ZNF45: variants seen among roughly 807,000 people sequenced by gnomAD.
ZNF45 encodes the protein BRC1744.
ZNF45 carries 4 observed loss-of-function variants against 12.0 expected under a neutral mutation model. The observed-to-expected ratio is 0.33, with a 90% CI of 0.16 to 0.76. The LOEUF (loss-of-function observed/expected upper bound fraction) is 0.76, where lower values mean the gene tolerates loss of function less well. Among genes scored for constraint, ZNF45 ranks in the 30% least tolerant of loss-of-function variants. ZNF45 has a pLI of 0.60. For missense variants in ZNF45, 700 were observed against 813.0 expected (o/e 0.86, Z 1.69); for synonymous variants, 272 against 279.6 (o/e 0.97, Z 0.27).
intron 7 of ZNF45, among the ~76,000 whole-genome samples, chr19:43,920,884 G>A (rs1483563820): frequency 2.6e-5 from 4 of 152,142 alleles, no homozygotes; most frequent in African/African-American, 9.7e-5. Flanking sequence ...TTACAGGTGT[G>A]AGCCACTGTG....
Position 43,914,327 on chromosome 19 carries a change from C to A in ZNF45, c.1109G>T (p.Ser370Ile), listed in dbSNP as rs1311085671. The change falls in exon 10 of 10, where the codon AGT becomes ATT. Residue 370 changes from serine to isoleucine, a missense_variant. Transcript: ENST00000269973. The part of the protein sequence containing the change: ...YKCEECGKGF[S>I]VGSHLQAHQI... ...ATGGGCCTGAAGGTGTGAACCCACA[C>A]TGAAACCTTTCCCACACTCCTCACA... is the stretch of plus-strand genomic sequence containing the variant. 4 of 1,613,112 alleles carry A rather than the reference C, an allele frequency of 2.5e-6. No individual in the cohort carries two copies. Among genetic ancestry groups the A allele is most frequent in the South Asian group, 2.2e-5 (2 of 90,974 alleles).
Position 43,916,785 on chromosome 19 carries a change from G to A in ZNF45, c.236-1585C>T, listed in dbSNP as rs868668619. On this transcript the variant is annotated intron_variant, in intron 9 of 9. Coordinates refer to ENST00000269973, the MANE Select transcript of ZNF45 (RefSeq NM_003425.4). ...TAATGGGAAAGGGACTGGAAAGAGC[G>A]ATTCTTCTGGGAAGTTTAAAGGTTT... 1.2e-4 allele frequency among the ~76,000 whole-genome samples: 19 copies of A among 152,222 alleles called. No homozygotes were observed. The Middle Eastern group carries it at 0.01, about 82-fold the overall frequency.
intron 9 of ZNF45, among the ~76,000 whole-genome samples, chr19:43,917,350 TA>T (rs1193259521): frequency 1.3e-5 from 2 of 152,252 alleles, no homozygotes; most frequent in Non-Finnish European, 2.9e-5. Context: ...ATTAATTTCT[TA>T]ATCAAACAAA....
Position 43,915,056 on chromosome 19 carries a change from C to G in ZNF45, c.380G>C (p.Arg127Thr), listed in dbSNP as rs1374530671. Residue 127 changes from arginine (R) to threonine (T), a missense_variant, in exon 10 of 10, where the codon AGA becomes ACA. By Grantham distance (71) the Arg-to-Thr change is moderately conservative (BLOSUM62 -1). Transcript: ENST00000269973. ...KYQDSVVNIQ[R>T]TGCQLEKRDD... is the part of the protein sequence containing the mutation. Reference sequence around the variant, plus strand: ...TCGTTTTTCCAACTGGCAGCCTGTTCTTTGAATATTTACCACAGAATCTTG... The same window carrying G: ...TCGTTTTTCCAACTGGCAGCCTGTTGTTTGAATATTTACCACAGAATCTTG... 6.2e-7 allele frequency: 1 copy of G among 1,611,620 alleles called. No individual in the cohort carries two copies. Among genetic ancestry groups the G allele is most frequent in the East Asian group, 2.2e-5 (1 of 44,876 alleles).
chr19:43,913,585 A>G lies in ZNF45; in HGVS notation c.1851T>C (p.Cys617=), dbSNP rs138087772. 283 of 1,613,862 alleles carry G rather than the reference A, an allele frequency of 1.8e-4. No individual in the cohort carries two copies. Among genetic ancestry groups the G allele is most frequent in the Non-Finnish European group, 2.3e-4 (269 of 1,179,972 alleles). The change falls in exon 10 of 10, where the codon TGT becomes TGC. Residue 617 remains cysteine, a synonymous_variant. Transcript: ENST00000269973. ...TGERPYKCEE[C]GKVFSWSSYL... is the part of the protein sequence containing the mutation. The stretch of plus-strand genomic sequence containing the variant: ...ATGAGCTCCAGCTGAAGACTTTCCC[A>G]CATTCCTCACATTTGTATGGTCTCT...
rs113258371 is a variant in ZNF45, at chr19:43,922,215, A to G, written c.-30T>C. 2.9e-5 allele frequency: 47 copies of G among 1,599,592 alleles called. 1 individual carries two copies. The highest frequency in any genetic ancestry group is 2.5e-4 in the African/African-American group (19 of 74,712). On this transcript the variant is annotated splice_region_variant and 5_prime_UTR_variant, in exon 7 of 10. Transcript: ENST00000269973. ...TCCTCCTCCTTCTGGAGAAGTGCCA[A>G]GTCTTAAGAGGGAAGGAGAAAACAT...
At chr19:43,915,700 G>A (rs1293844597) in intron 9 of ZNF45, among the ~76,000 whole-genome samples, 3 of 152,152 alleles carry the variant, frequency 2.0e-5, no homozygotes, top group Admixed American at 2.0e-4. Flanking sequence ...GAGGGATCTA[G>A]GTTGCGTGAG....
At chr19:43,917,995 G>A (rs950496972) in intron 9 of ZNF45, among the ~76,000 whole-genome samples, 3 of 152,064 alleles carry the variant, frequency 2.0e-5, no homozygotes, top group Admixed American at 2.0e-4. Flanking sequence ...TATTTGCTTA[G>A]TGGCTAATTT....
chr19:43,923,836 T>C (rs1430569746), intron 6 of ZNF45, among the ~76,000 whole-genome samples: 4 of 152,014 alleles, frequency 2.6e-5, no homozygotes, highest in African/African-American at 7.2e-5. Context: ...GTATAAGACC[T>C]TGCAAAATTT....
At position 43,914,075 on chromosome 19, in the gene ZNF45, C is replaced by A. The variant is rs766333139; in HGVS notation, c.1361G>T (p.Ser454Ile). 1 of 1,614,136 alleles carries A rather than the reference C, an allele frequency of 6.2e-7. No individual in the cohort carries two copies. Among genetic ancestry groups the A allele is most frequent in the South Asian group, 1.1e-5 (1 of 91,072 alleles). The change falls in exon 10 of 10, where the codon AGC becomes ATC. Residue 454 changes from serine (S) to isoleucine (I), a missense_variant. By Grantham distance (142) the Ser-to-Ile change is moderately radical. Coordinates refer to ENST00000269973, the MANE Select transcript of ZNF45 (RefSeq NM_003425.4). ...ATGGGCCAGAAGATTTGAGGCCTGG[C>A]TGAAGCCCTTGCCACACTCCTCACA... ...YKCEECGKGF[S>I]QASNLLAHQR...
At position 43,914,514 on chromosome 19, in the gene ZNF45, C is replaced by T; in HGVS notation, c.922G>A (p.Glu308Lys). The T allele has an allele frequency of 6.2e-7, 1 of 1,613,224 alleles. No individual in the cohort carries two copies. Among genetic ancestry groups the T allele is most frequent in the Non-Finnish European group, 8.5e-7 (1 of 1,179,314 alleles). The change falls in exon 10 of 10, where the codon GAG (glutamate) becomes AAG (lysine). Residue 308 changes from glutamate (E) to lysine (K), a missense_variant. By Grantham distance (56) the Glu-to-Lys change is moderately conservative (BLOSUM62 1). Transcript: ENST00000269973. ...HTGKKPYKCE[E>K]CGKSFSWRSR... ...CGCCAACTGAAGCTCTTCCCACACT[C>T]TTCACACTTATATGGTTTCTTTCCA...
At chr19:43,915,514 C>A (rs561574321) in intron 9 of ZNF45, among the ~76,000 whole-genome samples, 1 of 152,296 alleles carries the variant, frequency 6.6e-6, no homozygotes, top group Admixed American at 6.5e-5. Flanking sequence ...AAGTCAGGGC[C>A]CCCAACCCCT....
Position 43,914,574 on chromosome 19 carries a change from T to C in ZNF45, c.862A>G (p.Arg288Gly), listed in dbSNP as rs371644943. The C allele has an allele frequency of 6.2e-7, 1 of 1,611,042 alleles. No individual in the cohort carries two copies. The highest frequency in any genetic ancestry group is 2.2e-5 in the East Asian group (1 of 44,670). Residue 288 changes from arginine to glycine, a missense_variant, in exon 10 of 10, where the codon AGA becomes GGA. Coordinates refer to ENST00000269973, the MANE Select transcript of ZNF45 (RefSeq NM_003425.4). ...TTCAGATGAACTTGAAGATATGATC[T>C]CTGACTGAAGCCCACCCCACACTCC... ...CEECGVGFSQ[R>G]SYLQVHLKVH... is the part of the protein sequence containing the mutation.
chr19:43,913,769 T>A lies in ZNF45; in HGVS notation c.1667A>T (p.Tyr556Phe). 1.2e-6 allele frequency: 2 copies of A among 1,614,128 alleles called. No individual in the cohort carries two copies. Among genetic ancestry groups the A allele is most frequent in the Non-Finnish European group, 8.5e-7 (1 of 1,179,994 alleles). ...HQRCHTGEKP[Y>F]QCEECGKGFC... ...GCCCTTCCCACACTCCTCACATTGA[T>A]AGGGTTTCTCTCCAGTGTGGCACCT... The change falls in exon 10 of 10, where the codon TAT (tyrosine) becomes TTT (phenylalanine). Residue 556 changes from tyrosine (Y) to phenylalanine (F), a missense_variant. By Grantham distance (22) the Tyr-to-Phe change is conservative (BLOSUM62 3). Transcript: ENST00000269973.
At chr19:43,920,549 A>G (rs1406546396) in intron 7 of ZNF45, among the ~76,000 whole-genome samples, 2 of 47,116 alleles carry the variant, frequency 4.2e-5, no homozygotes, top group Non-Finnish European at 4.7e-5. Flanking sequence ...GGGGGGGGGC[A>G]GTGGGCGGTA....
intron 6 of ZNF45, among the ~76,000 whole-genome samples, chr19:43,923,391 C>T (rs1346652800): frequency 6.6e-6 from 1 of 152,008 alleles, no homozygotes; most frequent in Non-Finnish European, 1.5e-5. Context: ...ACTTTTGTTA[C>T]AGTATTTTAT....
intron 3 of ZNF45, among the ~76,000 whole-genome samples, chr19:43,929,111 C>T (rs1973916366): frequency 2.6e-5 from 4 of 152,266 alleles, no homozygotes; most frequent in Admixed American, 2.6e-4. Flanking sequence ...TACTAGAACA[C>T]TGGCTGCGCC....
In ZNF45 at chr19:43,913,627, C is replaced by G; in HGVS notation, c.1809G>C (p.Gln603His). ...ATGGTCTCTCTCCTGTGTGGACCCTCTGGTGGGCTTGAAGGTAGGATCTCT... is the reference window on the plus strand; with the variant it reads ...ATGGTCTCTCTCCTGTGTGGACCCTGTGGTGGGCTTGAAGGTAGGATCTCT... Reference protein sequence around the residue: ...FRQRSYLQAHQRVHTGERPYK... With the variant: ...FRQRSYLQAHHRVHTGERPYK... The change falls in exon 10 of 10, where the codon CAG (glutamine) becomes CAC (histidine). Residue 603 changes from glutamine to histidine, a missense_variant. By Grantham distance (24) the Gln-to-His change is conservative (BLOSUM62 0). Coordinates refer to ENST00000269973, the MANE Select transcript of ZNF45 (RefSeq NM_003425.4). 1 of 1,613,094 alleles carries G rather than the reference C, an allele frequency of 6.2e-7. No homozygotes were observed. Among genetic ancestry groups the G allele is most frequent in the South Asian group, 1.1e-5 (1 of 91,010 alleles).
At chr19:43,922,530 C>A (rs890864468) in intron 6 of ZNF45, among the ~76,000 whole-genome samples, 11 of 151,880 alleles carry the variant, frequency 7.2e-5, no homozygotes, top group African/African-American at 2.7e-4. Context: ...AGTAAAATAC[C>A]CAGATTAAGA....
Sources: gnomAD v4.1 joint callset for allele counts (sites outside exome capture counted in the v4.1 genomes callset) on GRCh38, gnomAD v4.1.1 for gene constraint, MANE v1.5 for transcripts, NCBI Gene and HGNC (gene_info 2026-07-23, HGNC 2026-07-21) for gene names.